The following PRORP variants were observed in gnomAD, a reference collection of about 807,000 sequenced individuals.
PRORP encodes the protein mitochondrial ribonuclease P catalytic subunit.
In PRORP, 51 loss-of-function variants were observed where a neutral mutation model predicts 59.4. That is an observed-to-expected ratio of 0.86 (90% CI 0.69 to 1.08). PRORP has a LOEUF of 1.08. PRORP is among the 50% of genes least tolerant of loss of function. The pLI, the probability that PRORP is intolerant of heterozygous loss-of-function variation, is 0.00. For missense variants in PRORP, 646 were observed against 690.3 expected, an observed-to-expected ratio of 0.94 and a Z score of 0.72; for synonymous variants, 231 against 245.6, an observed-to-expected ratio of 0.94 and a Z score of 0.55.
intron 5 of PRORP, among the ~76,000 whole-genome samples, chr14:35,263,422 C>T (rs1222073001): frequency 6.6e-6 from 1 of 152,202 alleles, no homozygotes; most frequent in African/African-American, 2.4e-5. Context: ...CACGGTGGCT[C>T]ACGCCTGTAA....
At chr14:35,126,824 T>C in intron 3 of PRORP, 42 bp downstream of exon 3, 1 of 1,494,756 alleles carries the variant, frequency 6.7e-7, no homozygotes, top group Non-Finnish European at 9.2e-7. Context: ...GATTTTGGTT[T>C]AGTAGGTTTT....
chr14:35,174,439 C>T (rs893901140), intron 4 of PRORP, among the ~76,000 whole-genome samples: 2 of 152,052 alleles, frequency 1.3e-5, no homozygotes, highest in African/African-American at 2.4e-5. Context: ...TTTCTGCATC[C>T]TCCCACTAAG....
intron 4 of PRORP, among the ~76,000 whole-genome samples, chr14:35,177,749 T>C (rs1200153959): frequency 6.6e-6 from 1 of 152,204 alleles, no homozygotes; most frequent in East Asian, 1.9e-4. Context: ...TCTCTTTCAG[T>C]TCTGCTCTGA....
Position 35,250,539 on chromosome 14 carries a change from C to G in PRORP, c.1276-16188C>G, listed in dbSNP as rs529186656. Among the ~76,000 whole-genome samples the G allele has an allele frequency of 2.3e-4, 35 of 152,246 alleles. 1 individual carries two copies. The highest frequency in any genetic ancestry group is 3.7e-4 in the Non-Finnish European group (25 of 68,030). On this transcript the variant is annotated intron_variant, in intron 5 of 7. Coordinates refer to ENST00000534898, the MANE Select transcript of PRORP (RefSeq NM_014672.4). The stretch of plus-strand genomic sequence containing the variant: ...CACTGATGCATTTTCCAAGGAGTGC[C>G]AGACTAGCTGAATAGAATTGAGGTC...
chr14:35,161,706 GGAA>G, intron 4 of PRORP, among the ~76,000 whole-genome samples: 1 of 152,162 alleles, frequency 6.6e-6, no homozygotes, highest in Non-Finnish European at 1.5e-5. Flanking sequence ...GATATGAAAA[GGAA>G]GAAGAGTGGG....
At chr14:35,184,351 G>A (rs2048691468) in intron 5 of PRORP, among the ~76,000 whole-genome samples, 2 of 152,138 alleles carry the variant, frequency 1.3e-5, no homozygotes, top group South Asian at 4.1e-4. Flanking sequence ...TGAAGTCTAT[G>A]TTATAATTCA....
At chr14:35,235,431 A>G in intron 5 of PRORP, 1 of 673,240 alleles carries the variant, frequency 1.5e-6, no homozygotes, top group Non-Finnish European at 2.7e-6. Context: ...TTGATAATGC[A>G]GTAAGGGACC....
Position 35,178,880 on chromosome 14 carries a change from G to A in PRORP, c.1168-1790G>A, listed in dbSNP as rs186298272. On this transcript the variant is annotated intron_variant, in intron 4 of 7. Transcript: ENST00000534898. ...GCATGTTTTTGCAGTGGCTGGTACCGGTTGTATCTTTCCACGTTTAGTGCT... is the reference window on the plus strand; with the variant it reads ...GCATGTTTTTGCAGTGGCTGGTACCAGTTGTATCTTTCCACGTTTAGTGCT... 3.1e-4 allele frequency among the ~76,000 whole-genome samples: 47 copies of A among 152,230 alleles called. No individual in the cohort carries two copies. In the East Asian group the frequency reaches 8.1e-3, roughly 26 times the overall value.
upstream of PRORP, chr14:35,121,900 A>G: frequency 1.2e-6 from 2 of 1,613,848 alleles, no homozygotes; most frequent in South Asian, 2.2e-5. Context: ...CCCAAAACTC[A>G]CTGTTTGGAC....
At chr14:35,192,775 C>T (rs2048914955) in intron 5 of PRORP, among the ~76,000 whole-genome samples, 1 of 151,998 alleles carries the variant, frequency 6.6e-6, no homozygotes, top group South Asian at 2.1e-4. Context: ...GGGTGGATCA[C>T]CTGAGGTCAG....
intron 5 of PRORP, among the ~76,000 whole-genome samples, chr14:35,244,779 G>A (rs889864525): frequency 1.3e-5 from 2 of 152,108 alleles, no homozygotes; most frequent in Admixed American, 6.5e-5. Flanking sequence ...TTCTAACCTC[G>A]TCTCCTTTCC....
Position 35,123,680 on chromosome 14 carries a change from T to C in PRORP, c.435T>C (p.Ile145=), listed in dbSNP as rs780677653. ...TGKTSFESWI[I]SQMAGCHSSI... Reference sequence around the variant, plus strand: ...AGACCAGTTTCGAAAGTTGGATCATTTCACAGATGGCTGGCTGTCATAGCT... The same window carrying C: ...AGACCAGTTTCGAAAGTTGGATCATCTCACAGATGGCTGGCTGTCATAGCT... Residue 145 remains isoleucine, a synonymous_variant, in exon 2 of 8, where the codon ATT becomes ATC. Coordinates refer to ENST00000534898, the MANE Select transcript of PRORP (RefSeq NM_014672.4). 3.1e-6 allele frequency: 5 copies of C among 1,614,096 alleles called. No individual in the cohort carries two copies. Among genetic ancestry groups the C allele is most frequent in the African/African-American group, 1.3e-5 (1 of 74,934 alleles).
At chr14:35,167,744 CCT>C (rs563451157) in intron 4 of PRORP, among the ~76,000 whole-genome samples, 7 of 152,272 alleles carry the variant, frequency 4.6e-5, no homozygotes, top group Admixed American at 1.3e-4. Flanking sequence ...CTGGTATTCC[CCT>C]GTTTTTCCAC....
intron 4 of PRORP, among the ~76,000 whole-genome samples, chr14:35,166,483 C>T (rs1009686382): frequency 1.4e-5 from 2 of 139,428 alleles, no homozygotes; most frequent in African/African-American, 5.4e-5. Context: ...TGGAGTCTCG[C>T]TCTGTCGCCA....
rs57325498 is a variant in PRORP, at chr14:35,183,221, T to TACACAC, written c.1275+2457_1275+2462dup. Among the ~76,000 whole-genome samples, 159 of 150,654 alleles carry TACACAC rather than the reference T, an allele frequency of 1.1e-3. 1 individual carries two copies. Among genetic ancestry groups the TACACAC allele is most frequent in the Admixed American group, 1.8e-3 (27 of 15,068 alleles). On this transcript the variant is annotated intron_variant, in intron 5 of 7. Transcript: ENST00000534898. The stretch of plus-strand genomic sequence containing the variant: ...TCTAGAAGTTTAACACATACATACA[T>TACACAC]ACACACACACACACACACGCACACA...
chr14:35,230,196 G>A (rs2050040803), intron 5 of PRORP, among the ~76,000 whole-genome samples: 1 of 151,958 alleles, frequency 6.6e-6, no homozygotes, highest in South Asian at 2.1e-4. Flanking sequence ...GGGATTACAG[G>A]TATGCGCCAT....
chr14:35,235,263 C>T, intron 5 of PRORP: 1 of 701,468 alleles, frequency 1.4e-6, no homozygotes, highest in East Asian at 3.1e-5. Context: ...ACATTGCCTC[C>T]CTAGTGATGG....
intron 5 of PRORP, among the ~76,000 whole-genome samples, chr14:35,203,284 T>A (rs1161784124): frequency 6.6e-6 from 1 of 152,194 alleles, no homozygotes; most frequent in Non-Finnish European, 1.5e-5. Context: ...GCTCAATTGT[T>A]TTTATTTAAT....
intron 7 of PRORP, among the ~76,000 whole-genome samples, chr14:35,271,090 A>T (rs1467540876): frequency 6.6e-6 from 1 of 151,480 alleles, no homozygotes; most frequent in Non-Finnish European, 1.5e-5. Context: ...CCGTCTCAAA[A>T]ACAAAAAACA....
Sources: allele counts gnomAD v4.1 joint callset (sites outside exome capture counted in the v4.1 genomes callset), GRCh38; gene constraint gnomAD v4.1.1; transcripts MANE v1.5; gene names NCBI Gene and HGNC (gene_info 2026-07-23, HGNC 2026-07-21).